AKT1: variants seen among roughly 807,000 people sequenced by gnomAD.
AKT1 encodes AKT serine/threonine kinase 1.
A neutral mutation model predicts 63.1 loss-of-function variants in AKT1; 21 were observed. The observed-to-expected ratio is 0.33, with a 90% CI of 0.24 to 0.48. The LOEUF (loss-of-function observed/expected upper bound fraction) is 0.48. AKT1 is among the 20% of genes least tolerant of loss of function. AKT1 has a pLI of 0.99. For missense variants in AKT1, 382 were observed against 666.0 expected (o/e 0.57, Z 4.69); for synonymous variants, 257 against 253.1 (o/e 1.02, Z -0.15).
At position 104,793,226 on chromosome 14, in the gene AKT1, C is replaced by A. The variant is rs1893717939; in HGVS notation, c.-179G>T. On this transcript the variant is annotated 5_prime_UTR_variant, in exon 2 of 15. Coordinates refer to ENST00000649815, the MANE Select transcript of AKT1 (RefSeq NM_001382430.1). Reference sequence around the variant, plus strand: ...CCCTAAGCCCCTGGTGACAGATGGCCCCGTTTGCTCTCCCTGTCCATGGTG... The same window carrying A: ...CCCTAAGCCCCTGGTGACAGATGGCACCGTTTGCTCTCCCTGTCCATGGTG... 5.4e-6 allele frequency: 1 copy of A among 184,590 alleles called. No homozygotes were observed. The highest frequency in any genetic ancestry group is 1.2e-5 in the Non-Finnish European group (1 of 86,414). 11.4% of individuals were successfully genotyped at this position (184,590 alleles called of 1,614,324 possible). A position where few individuals can be genotyped will look rare whatever the true frequency, so the allele number is the denominator to read the frequency against.
In AKT1 at chr14:104,772,324, G is replaced by C. The variant is rs779614585; in HGVS notation, c.1260+41C>G. On this transcript the variant is annotated intron_variant, in intron 13 of 14. Transcript: ENST00000649815. Reference sequence around the variant, plus strand: ...GTGCATGCGTGAGTGTGGATATGTGGGGAGCATGCGTGCGCGTGAATATGC... The same window carrying C: ...GTGCATGCGTGAGTGTGGATATGTGCGGAGCATGCGTGCGCGTGAATATGC... 3.7e-6 allele frequency: 6 copies of C among 1,600,702 alleles called. No individual in the cohort carries two copies. The South Asian group carries it at 4.4e-5, about 12-fold the overall frequency.
intron 14 of AKT1, 40 bp from the exon 15 acceptor site, chr14:104,770,460 C>T (rs1243517025): frequency 1.3e-6 from 2 of 1,521,158 alleles, no homozygotes; most frequent in Non-Finnish European, 8.9e-7. Flanking sequence ...GCCCCACCTC[C>T]CTGCCACCTC....
chr14:104,789,261 G>T (rs1448994836), intron 3 of AKT1, among the ~76,000 whole-genome samples: 1 of 152,224 alleles, frequency 6.6e-6, no homozygotes, highest in Non-Finnish European at 1.5e-5. Flanking sequence ...ACCCGCCTCG[G>T]CCCTCTCCTG....
intron 5 of AKT1, chr14:104,776,184 A>C: frequency 4.5e-6 from 1 of 219,884 alleles, no homozygotes; most frequent in Non-Finnish European, 9.1e-6. Flanking sequence ...GTCTTGCTCT[A>C]TCGCCCTGGC....
chr14:104,793,381 G>A (rs1893724737), intron 1 of AKT1, 77 bp from the exon 2 acceptor site: 2 of 207,880 alleles, frequency 9.6e-6, no homozygotes, highest in East Asian at 1.4e-4. Context: ...GGAGTCCAGA[G>A]CCCTCCAGCG....
chr14:104,772,358 G>A lies in AKT1; in HGVS notation c.1260+7C>T, dbSNP rs750823961. 4 of 1,613,582 alleles carry A rather than the reference G, an allele frequency of 2.5e-6. No homozygotes were observed. The African/African-American group carries it at 4.0e-5, about 16-fold the overall frequency. On this transcript the variant is annotated splice_region_variant and intron_variant, in intron 13 of 14. Transcript: ENST00000649815. ...CGTGCGCGTGAATATGCGGGGAGCAGCCGCACCTTCTTCTCGTACACGTGC... is the reference window on the plus strand; with the variant it reads ...CGTGCGCGTGAATATGCGGGGAGCAACCGCACCTTCTTCTCGTACACGTGC...
chr14:104,793,453 G>A (rs1893727954), intron 1 of AKT1, 149 bp from the exon 2 acceptor site: 1 of 200,264 alleles, frequency 5.0e-6, no homozygotes, highest in East Asian at 7.6e-5. Flanking sequence ...GCCCCTGCCG[G>A]TCTGAATCTG....
At position 104,773,597 on chromosome 14, in the gene AKT1, C is replaced by G. The variant is rs1421239034; in HGVS notation, c.703-17G>C. The G allele has an allele frequency of 5.0e-6, 8 of 1,598,350 alleles. No homozygotes were observed. The highest frequency in any genetic ancestry group is 6.8e-6 in the Non-Finnish European group (8 of 1,173,236). Reference sequence around the variant, plus strand: ...GAAGAACAGCTGCGGGAGGCGCAACCTGAGGCACAGCCGTGGCTCGGGCCT... The same window carrying G: ...GAAGAACAGCTGCGGGAGGCGCAACGTGAGGCACAGCCGTGGCTCGGGCCT... On this transcript the variant is annotated splice_polypyrimidine_tract_variant and intron_variant, in intron 9 of 14. Coordinates refer to ENST00000649815, the MANE Select transcript of AKT1 (RefSeq NM_001382430.1).
At position 104,775,642 on chromosome 14, in the gene AKT1, C is replaced by G. The variant is rs768098229; in HGVS notation, c.435+10G>C. On this transcript the variant is annotated intron_variant, in intron 6 of 14. Transcript: ENST00000649815. ...CCCCAGGCACAGGCAGAAGTGGGGA[C>G]AGGCCTCACCACGCGGTGCTTGGGC... is the stretch of plus-strand genomic sequence containing the variant. The G allele has an allele frequency of 6.2e-7, 1 of 1,613,464 alleles. No homozygotes were observed. The highest frequency in any genetic ancestry group is 1.7e-5 in the Admixed American group (1 of 59,992).
intron 4 of AKT1, chr14:104,776,989 A>G: frequency 1.9e-6 from 1 of 523,360 alleles, no homozygotes; most frequent in Non-Finnish European, 3.4e-6. Context: ...TGAGGCAGCC[A>G]CACAGGGCAT....
Position 104,775,001 on chromosome 14 carries a change from G to A in AKT1, c.570C>T (p.Asp190=), listed in dbSNP as rs780207480. The A allele has an allele frequency of 1.7e-5, 27 of 1,612,936 alleles. No individual in the cohort carries two copies. Among genetic ancestry groups the A allele is most frequent in the Admixed American group, 1.2e-4 (7 of 59,954 alleles). ...ILKKEVIVAK[D]EVAHTLTENR... The stretch of plus-strand genomic sequence containing the variant: ...TCTCGGTGAGTGTGTGGGCCACCTC[G>A]TCCTGTAAAGCAGGGCTGGGTGAGC... Residue 190 remains aspartate (D), a splice_region_variant and synonymous_variant, in exon 8 of 15, where the codon GAC becomes GAT. Transcript: ENST00000649815.
At chr14:104,774,165 A>C in intron 8 of AKT1, 185 bp from the exon 9 acceptor site, 2 of 549,772 alleles carry the variant, frequency 3.6e-6, no homozygotes, top group African/African-American at 2.4e-5. Flanking sequence ...GCCCCACACC[A>C]CACACCCCAT....
chr14:104,773,034 A>G lies in AKT1; in HGVS notation c.1016T>C (p.Met339Thr). 6.2e-7 allele frequency: 1 copy of G among 1,614,126 alleles called. No homozygotes were observed. The highest frequency in any genetic ancestry group is 8.5e-7 in the Non-Finnish European group (1 of 1,180,022). Residue 339 changes from methionine to threonine, a missense_variant, in exon 12 of 15, where the codon ATG becomes ACG. Physicochemically the swap from Met to Thr is moderately conservative, Grantham distance 81. This residue lies in a region of AKT1 where 66 missense variants were observed against 179.1 expected (regional missense o/e 0.37). Coordinates refer to ENST00000649815, the MANE Select transcript of AKT1 (RefSeq NM_001382430.1). ...AVDWWGLGVVMYEMMCGRLPF... is the reference protein window; with the variant it reads ...AVDWWGLGVVTYEMMCGRLPF... ...CAGGCGACCGCACATCATCTCGTAC[A>G]TGACCACGCCCAGCCCCCACCAGTC...
In AKT1 at chr14:104,777,745, GCAT is replaced by G. The variant is rs1404302549; in HGVS notation, c.176-978_176-976del. The G allele has an allele frequency of 2.1e-5, 21 of 985,488 alleles. No individual in the cohort carries two copies. In the Admixed American group the frequency reaches 2.5e-4, roughly 12 times the overall value. 61.0% of individuals were successfully genotyped at this position (985,488 alleles called of 1,614,324 possible). On this transcript the variant is annotated intron_variant, in intron 4 of 14. Transcript: ENST00000649815. The stretch of plus-strand genomic sequence containing the variant: ...CCAGTGGGGGGCCTCTGACATTCCA[GCAT>G]CGAGGCCCTGGCAACCACAAGGGGG...
rs776345122 is a variant in AKT1 at position 104,775,738 on chromosome 14, C to T, written c.349G>A (p.Glu117Lys). The T allele has an allele frequency of 8.7e-6, 14 of 1,613,304 alleles. No homozygotes were observed. The highest frequency in any genetic ancestry group is 1.1e-5 in the Non-Finnish European group (13 of 1,179,494). The change falls in exon 6 of 15, where the codon GAG (glutamate) becomes AAG (lysine). Residue 117 changes from glutamate to lysine, a missense_variant. By Grantham distance (56) the Glu-to-Lys change is moderately conservative. Coordinates refer to ENST00000649815, the MANE Select transcript of AKT1 (RefSeq NM_001382430.1). Reference protein sequence around the residue: ...ADGLKKQEEEEMDFRSGSPSD... With the variant: ...ADGLKKQEEEKMDFRSGSPSD... ...GGTGAGCCCGACCGGAAGTCCATCTCCTCCTCCTCCTGCTTCTTGAGGCCG... is the reference window on the plus strand; with the variant it reads ...GGTGAGCCCGACCGGAAGTCCATCTTCTCCTCCTCCTGCTTCTTGAGGCCG...
rs34558581 is a variant in AKT1, at chr14:104,770,073, G to A, written c.*268C>T. 2.5e-4 allele frequency: 139 copies of A among 550,082 alleles called. No homozygotes were observed. Among genetic ancestry groups the A allele is most frequent in the African/African-American group, 2.0e-3 (108 of 53,028 alleles). 34.1% of individuals were successfully genotyped at this position (550,082 alleles called of 1,614,324 possible). On this transcript the variant is annotated 3_prime_UTR_variant, in exon 15 of 15. Transcript: ENST00000649815. Reference sequence around the variant, plus strand: ...GCAGAAGTCCTTAACATTTCCCTACGTGAATCGGATTGTTCTGAGGGCTGA... The same window carrying A: ...GCAGAAGTCCTTAACATTTCCCTACATGAATCGGATTGTTCTGAGGGCTGA...
intron 3 of AKT1, among the ~76,000 whole-genome samples, chr14:104,792,219 G>A (rs1893664076): frequency 6.6e-6 from 1 of 152,168 alleles, no homozygotes; most frequent in South Asian, 2.1e-4. Context: ...AAGCCAAGCA[G>A]CCCTGCCCTG....
chr14:104,781,229 C>T (rs1893020992), intron 3 of AKT1, among the ~76,000 whole-genome samples: 1 of 151,772 alleles, frequency 6.6e-6, no homozygotes, highest in Non-Finnish European at 1.5e-5. Flanking sequence ...TCTGAGGGGT[C>T]ACTGGGCAGG....
chr14:104,785,293 C>T (rs1002236465), intron 3 of AKT1, among the ~76,000 whole-genome samples: 1 of 152,200 alleles, frequency 6.6e-6, no homozygotes, highest in Non-Finnish European at 1.5e-5. Context: ...AGTACACACC[C>T]CTTTACCAGC....
Sources: gnomAD v4.1 joint callset for allele counts (sites outside exome capture counted in the v4.1 genomes callset) on GRCh38, gnomAD v4.1.1 for gene constraint, gnomAD v4.1.1 regional missense constraint, MANE v1.5 for transcripts, NCBI Gene and HGNC (gene_info 2026-07-23, HGNC 2026-07-21) for gene names.